The following DPP6 variants were observed in gnomAD, a reference collection of about 807,000 sequenced individuals.
DPP6 encodes A-type potassium channel modulatory protein DPP6.
A neutral mutation model predicts 122.6 loss-of-function variants in DPP6; 69 were observed. The observed-to-expected ratio is 0.56, with a 90% CI of 0.46 to 0.69. The LOEUF is 0.69. DPP6 is among the 30% of genes least tolerant of loss of function. The pLI is 0.00. For synonymous variants in DPP6, 418 were observed against 433.1 expected (o/e 0.97, Z 0.43); for missense variants, 928 against 1,116.9 (o/e 0.83, Z 2.41).
chr7:154,392,885 G>A (rs947677877), intron 1 of DPP6, among the ~76,000 whole-genome samples: 3 of 152,290 alleles, frequency 2.0e-5, no homozygotes, highest in South Asian at 2.1e-4. Context: ...GTGAGCACGC[G>A]GGGCTGGGCC....
intron 16 of DPP6, among the ~76,000 whole-genome samples, chr7:154,818,427 A>T (rs1799552755): frequency 6.6e-6 from 1 of 152,210 alleles, no homozygotes; most frequent in Non-Finnish European, 1.5e-5. Context: ...CCTTTGCATG[A>T]TCCCAACATA....
intron 7 of DPP6, among the ~76,000 whole-genome samples, chr7:154,697,124 C>T (rs999979976): frequency 1.3e-5 from 2 of 152,146 alleles, no homozygotes; most frequent in Admixed American, 1.3e-4. Context: ...TTCCCAGGTG[C>T]TGTTTGTAGG....
chr7:153,858,777 AG>A, the DPP6 span, among the ~76,000 whole-genome samples: 2 of 152,182 alleles, frequency 1.3e-5, no homozygotes, highest in Non-Finnish European at 2.9e-5. Flanking sequence ...TTCCATATAT[AG>A]GAGCTACTGA....
chr7:154,164,813 C>T (rs1472121125), intron 1 of DPP6, among the ~76,000 whole-genome samples: 2 of 152,082 alleles, frequency 1.3e-5, no homozygotes, highest in African/African-American at 2.4e-5. Flanking sequence ...TTTTTATGGC[C>T]AATAATATTC....
chr7:154,828,372 C>T (rs993323593), intron 16 of DPP6, among the ~76,000 whole-genome samples: 1 of 151,038 alleles, frequency 6.6e-6, no homozygotes, highest in Non-Finnish European at 1.5e-5. Context: ...GTGTGCCTGG[C>T]AAAGGAATTG....
chr7:154,045,225 C>T (rs1799962742), intron 1 of DPP6, among the ~76,000 whole-genome samples: 1 of 151,758 alleles, frequency 6.6e-6, no homozygotes, highest in Admixed American at 6.6e-5. Flanking sequence ...ACACTCCCTC[C>T]CTCATTTAAA....
At chr7:154,492,492 C>T (rs1372406852) in intron 3 of DPP6, among the ~76,000 whole-genome samples, 2 of 152,226 alleles carry the variant, frequency 1.3e-5, no homozygotes, top group African/African-American at 2.4e-5. Context: ...CTTCTCGCCT[C>T]ACCTCTGCTG....
Position 154,637,804 on chromosome 7 carries a change from CT to C in DPP6, c.628-12del. The C allele has an allele frequency of 6.4e-7, 1 of 1,558,420 alleles. No individual in the cohort carries two copies. Among genetic ancestry groups the C allele is most frequent in the East Asian group, 2.3e-5 (1 of 43,150 alleles). On this transcript the variant is annotated splice_polypyrimidine_tract_variant and intron_variant, in intron 5 of 25. Transcript: ENST00000377770. Reference sequence around the variant, plus strand: ...TTTGTCTCAATGCCTACCTTTTTTCCTTTTTGTCTGTTGCAGATATATCAAC... The same window carrying C: ...TTTGTCTCAATGCCTACCTTTTTTCCTTTTGTCTGTTGCAGATATATCAAC...
At chr7:154,564,515 T>C (rs1563861395) in intron 4 of DPP6, among the ~76,000 whole-genome samples, 1 of 152,198 alleles carries the variant, frequency 6.6e-6, no homozygotes, top group Admixed American at 6.5e-5. Flanking sequence ...AAAAACATTT[T>C]TGAAAAAGAA....
chr7:153,913,592 A>G (rs1338387426), intron 1 of DPP6, among the ~76,000 whole-genome samples: 1 of 151,740 alleles, frequency 6.6e-6, no homozygotes, highest in Non-Finnish European at 1.5e-5. Flanking sequence ...TTTTCCCCTG[A>G]TAAATATTCA....
At chr7:154,235,440 C>T (rs959377322) in intron 1 of DPP6, among the ~76,000 whole-genome samples, 2 of 147,184 alleles carry the variant, frequency 1.4e-5, no homozygotes, top group African/African-American at 5.2e-5. Flanking sequence ...GGATGAATTG[C>T]AGTTTGCCCA....
At chr7:154,172,122 G>A (rs537670576) in intron 1 of DPP6, among the ~76,000 whole-genome samples, 14 of 139,978 alleles carry the variant, frequency 1.0e-4, no homozygotes, top group Admixed American at 4.4e-4. Context: ...TAGATTCTGT[G>A]CCCCTCCCTC....
chr7:153,752,570 C>T, the DPP6 span, among the ~76,000 whole-genome samples: 16 of 151,036 alleles, frequency 1.1e-4, no homozygotes, highest in Non-Finnish European at 2.1e-4. Flanking sequence ...TTTACATGGT[C>T]GCCTCTCATA....
At chr7:154,002,957 G>A (rs958797120) in intron 1 of DPP6, among the ~76,000 whole-genome samples, 2 of 152,156 alleles carry the variant, frequency 1.3e-5, no homozygotes, top group African/African-American at 4.8e-5. Flanking sequence ...AAATGTCAGT[G>A]TCGCTTCCCT....
In DPP6 at chr7:154,294,333, G is replaced by A. The variant is rs563818338; in HGVS notation, c.244-151881G>A. On this transcript the variant is annotated intron_variant, in intron 1 of 25. Coordinates refer to ENST00000377770, the MANE Select transcript of DPP6 (RefSeq NM_130797.4). Reference sequence around the variant, plus strand: ...GGCTGGAGCTGGTGTCTTTGCTAATGCCTTCTAGGGGAAGATGCCAAGTGT... The same window carrying A: ...GGCTGGAGCTGGTGTCTTTGCTAATACCTTCTAGGGGAAGATGCCAAGTGT... Among the ~76,000 whole-genome samples, 44 of 152,266 alleles carry A rather than the reference G, an allele frequency of 2.9e-4. No homozygotes were observed. In the South Asian group the frequency reaches 9.1e-3, roughly 32 times the overall value.
intron 16 of DPP6, among the ~76,000 whole-genome samples, chr7:154,846,366 C>A (rs1018742346): frequency 1.3e-5 from 2 of 152,024 alleles, no homozygotes; most frequent in African/African-American, 4.8e-5. Context: ...TCAGCCTGTT[C>A]CAGATGAAGG....
intron 1 of DPP6, among the ~76,000 whole-genome samples, chr7:154,030,051 C>T (rs1799151084): frequency 6.6e-6 from 1 of 152,058 alleles, no homozygotes; most frequent in African/African-American, 2.4e-5. Context: ...CAAGAATTAG[C>T]CAGGCGTGGC....
chr7:154,313,684 G>GGTGTGT (rs146683070), intron 1 of DPP6, among the ~76,000 whole-genome samples: 500 of 25,018 alleles, frequency 0.02, 77 homozygotes, highest in African/African-American at 0.066. Flanking sequence ...TTTAAGATAT[G>GGTGTGT]GTATATATAT....
upstream of DPP6, among the ~76,000 whole-genome samples, chr7:154,050,397 CATTT>C (rs1157622689): frequency 2.8e-4 from 42 of 152,168 alleles, 1 homozygote; most frequent in Admixed American, 9.2e-4. Context: ...ATTAGTATGA[CATTT>C]AGTTTGTGTA....
Sources: allele counts gnomAD v4.1 joint callset (sites outside exome capture counted in the v4.1 genomes callset), GRCh38; gene constraint gnomAD v4.1.1; transcripts MANE v1.5; gene names NCBI Gene and HGNC (gene_info 2026-07-23, HGNC 2026-07-21).